Variants in RBFOX1 observed in about 807,000 individuals in gnomAD.
RBFOX1 encodes RNA binding protein fox-1 homolog 1.
Under a neutral mutation model 57.7 loss-of-function variants are expected in RBFOX1, and 8 were observed. The observed-to-expected ratio is 0.14, with a 90% confidence interval of 0.08 to 0.25. RBFOX1 has a LOEUF of 0.25. Among genes scored for constraint, RBFOX1 ranks in the 10% least tolerant of loss-of-function variants. RBFOX1 has a pLI of 1.00. For synonymous variants in RBFOX1, 326 were observed against 222.4 expected, an observed-to-expected ratio of 1.47 and a Z score of -4.15; for missense variants, 611 against 548.5, an observed-to-expected ratio of 1.11 and a Z score of -1.14.
chr16:6,827,083 C>G (rs1484098477), intron 3 of RBFOX1, among the ~76,000 whole-genome samples: 1 of 152,180 alleles, frequency 6.6e-6, no homozygotes, highest in Admixed American at 6.5e-5. Context: ...TTTCTTTGCA[C>G]ATACTTACCG....
At chr16:5,905,926 G>A (rs2058445004) in intron 4 of RBFOX1, among the ~76,000 whole-genome samples, 1 of 152,160 alleles carries the variant, frequency 6.6e-6, no homozygotes, top group South Asian at 2.1e-4. Context: ...GGATAAGAAG[G>A]TTTTCAGCTC....
intron 4 of RBFOX1, among the ~76,000 whole-genome samples, chr16:7,096,031 AAAAG>A (rs1382696518): frequency 2.8e-5 from 4 of 143,178 alleles, no homozygotes; most frequent in African/African-American, 1.1e-4. Flanking sequence ...AAAAAAAAAG[AAAAG>A]AAAAGAAAAA....
At chr16:6,076,157 G>C (rs955265604) in intron 1 of RBFOX1, among the ~76,000 whole-genome samples, 1 of 152,004 alleles carries the variant, frequency 6.6e-6, no homozygotes, top group East Asian at 1.9e-4. Context: ...AATTAGCCAG[G>C]TGTGGTGGTG....
intron 2 of RBFOX1, among the ~76,000 whole-genome samples, chr16:6,453,350 A>T (rs936493066): frequency 2.6e-5 from 4 of 152,266 alleles, no homozygotes; most frequent in African/African-American, 9.6e-5. Context: ...TTTATGAGTG[A>T]AAACATGCGG....
rs118073079 is a variant in RBFOX1, at chr16:5,464,881, G to A, written c.220-2335G>A. Among the ~76,000 whole-genome samples the A allele has an allele frequency of 5.4e-3, 816 of 152,288 alleles. 10 individuals carry two copies. The highest frequency in any genetic ancestry group is 0.037 in the Middle Eastern group (11 of 294). Reference sequence around the variant, plus strand: ...AGGGTGTGGCTCTAGGAGCCCAGGAGGAAGGTCTGTATCTGTTCAGCCCCT... The same window carrying A: ...AGGGTGTGGCTCTAGGAGCCCAGGAAGAAGGTCTGTATCTGTTCAGCCCCT... On this transcript the variant is annotated intron_variant, in intron 1 of 2. Coordinates refer to the RBFOX1 transcript ENST00000585867.
At chr16:5,879,697 A>G (rs556719871) in intron 4 of RBFOX1, among the ~76,000 whole-genome samples, 4 of 152,180 alleles carry the variant, frequency 2.6e-5, no homozygotes, top group African/African-American at 9.7e-5. Context: ...GTTAACCATG[A>G]AATCTCAATG....
At chr16:5,320,396 G>A (rs1266041618) in intron 1 of RBFOX1, among the ~76,000 whole-genome samples, 2 of 152,218 alleles carry the variant, frequency 1.3e-5, no homozygotes, top group Non-Finnish European at 2.9e-5. Context: ...AGATTGTGAT[G>A]AGTGAGTTTA....
At chr16:6,651,452 C>A (rs1429783537) in intron 2 of RBFOX1, among the ~76,000 whole-genome samples, 2 of 152,296 alleles carry the variant, frequency 1.3e-5, no homozygotes, top group East Asian at 1.9e-4. Context: ...TGGTAGCCCC[C>A]AAATTTTTCT....
chr16:6,282,734 T>C (rs571398769), intron 1 of RBFOX1, among the ~76,000 whole-genome samples: 12 of 152,300 alleles, frequency 7.9e-5, no homozygotes, highest in African/African-American at 2.4e-4. Flanking sequence ...TTTTATACTT[T>C]GCCCCTTCTT....
intron 3 of RBFOX1, among the ~76,000 whole-genome samples, chr16:5,774,556 AT>A (rs1453306272): frequency 1.3e-5 from 2 of 152,238 alleles, no homozygotes; most frequent in Admixed American, 1.3e-4. Context: ...AGTAGTAGTT[AT>A]CAATAGCTAA....
chr16:7,330,423 C>G (rs1603623293), intron 4 of RBFOX1, among the ~76,000 whole-genome samples: 1 of 94,004 alleles, frequency 1.1e-5, no homozygotes, highest in South Asian at 4.3e-4. Flanking sequence ...TTTAGATGAT[C>G]TGAGGTTGGT....
At position 7,391,153 on chromosome 16, in the gene RBFOX1, C is replaced by T. The variant is rs543324135; in HGVS notation, c.28-126994C>T. ...AATCCACTGGAAGGTTTTAGATAGG[C>T]AGCATGTCCAGACACTGCCCCCTGC... On this transcript the variant is annotated intron_variant, in intron 4 of 15. Coordinates refer to ENST00000550418, the MANE Select transcript of RBFOX1 (RefSeq NM_018723.4). 2.6e-5 allele frequency among the ~76,000 whole-genome samples: 4 copies of T among 152,296 alleles called. No homozygotes were observed. The South Asian group carries it at 6.2e-4, about 24-fold the overall frequency.
chr16:6,110,366 A>C (rs2096432064), intron 1 of RBFOX1, among the ~76,000 whole-genome samples: 1 of 152,032 alleles, frequency 6.6e-6, no homozygotes, highest in Non-Finnish European at 1.5e-5. Flanking sequence ...CTAGGTAGGC[A>C]CTGAAAAAAT....
At chr16:6,926,198 T>G (rs1287216349) in intron 3 of RBFOX1, among the ~76,000 whole-genome samples, 1 of 152,090 alleles carries the variant, frequency 6.6e-6, no homozygotes, top group Non-Finnish European at 1.5e-5. Flanking sequence ...TCTCAGCTAA[T>G]CCAGAGGCTG....
intron 3 of RBFOX1, among the ~76,000 whole-genome samples, chr16:6,702,206 C>A (rs1480745844): frequency 6.6e-6 from 1 of 152,158 alleles, no homozygotes; most frequent in Non-Finnish European, 1.5e-5. Flanking sequence ...TCCCAGTAGA[C>A]CCACCTCCAA....
intron 4 of RBFOX1, among the ~76,000 whole-genome samples, chr16:7,258,828 A>G (rs192072217): frequency 6.6e-6 from 1 of 152,244 alleles, no homozygotes; most frequent in Admixed American, 6.5e-5. Flanking sequence ...CATGCTTTGA[A>G]TTTACAAGTA....
chr16:6,917,257 C>CT (rs1445831302), intron 3 of RBFOX1, among the ~76,000 whole-genome samples: 1 of 152,200 alleles, frequency 6.6e-6, no homozygotes, highest in Non-Finnish European at 1.5e-5. Context: ...TGCAAAGAGT[C>CT]TGTCCCAGCT....
chr16:6,074,406 G>C (rs574599212), intron 1 of RBFOX1, among the ~76,000 whole-genome samples: 2 of 152,192 alleles, frequency 1.3e-5, no homozygotes, highest in African/African-American at 4.8e-5. Flanking sequence ...GAGATGGCCT[G>C]TCTTCAGTCA....
intron 3 of RBFOX1, among the ~76,000 whole-genome samples, chr16:6,788,254 T>C (rs964164830): frequency 6.6e-6 from 1 of 151,832 alleles, no homozygotes; most frequent in African/African-American, 2.4e-5. Flanking sequence ...GCCAATGAGG[T>C]CTGCTGCATC....
Sources: allele counts gnomAD v4.1 joint callset (sites outside exome capture counted in the v4.1 genomes callset), GRCh38; gene constraint gnomAD v4.1.1; transcripts MANE v1.5; gene names NCBI Gene and HGNC (gene_info 2026-07-23, HGNC 2026-07-21).